The following ACOT13 variants were observed in gnomAD, a reference collection of about 807,000 sequenced individuals.
The protein encoded by ACOT13 is acyl-coenzyme A thioesterase 13.
In ACOT13, 10 loss-of-function variants were observed where a neutral mutation model predicts 11.8. The ratio of observed to expected loss-of-function variants is 0.85; its 90% CI spans 0.53 to 1.44. ACOT13 has a LOEUF of 1.44. Among genes scored for constraint, ACOT13 ranks in the 40% most tolerant of loss-of-function variants. ACOT13 has a pLI of 0.00. For synonymous variants in ACOT13, 53 were observed against 61.0 expected (o/e 0.87, Z 0.61); for missense variants, 172 against 174.1 (o/e 0.99, Z 0.07).
chr6:24,675,609 C>A (rs1301844420), intron 1 of ACOT13, among the ~76,000 whole-genome samples: 2 of 152,092 alleles, frequency 1.3e-5, no homozygotes, highest in African/African-American at 4.8e-5. Flanking sequence ...TGTTTAAGTT[C>A]TTTGTAGATT....
At chr6:24,687,930 C>G (rs535582882) in intron 1 of ACOT13, among the ~76,000 whole-genome samples, 1 of 151,566 alleles carries the variant, frequency 6.6e-6, no homozygotes, top group South Asian at 2.1e-4. Context: ...CGAGGCTGGT[C>G]TCAAACTCCT....
In ACOT13 at chr6:24,701,583, CAAGG is replaced by C. The variant is rs770343610; in HGVS notation, c.395_398del (p.Gly132AspfsTer14). The C allele has an allele frequency of 1.2e-6, 2 of 1,612,988 alleles. No homozygotes were observed. The highest frequency in any genetic ancestry group is 8.5e-7 in the Non-Finnish European group (1 of 1,179,356). On this transcript the variant is annotated frameshift_variant, in exon 3 of 3. Transcript: ENST00000230048. LOFTEE classifies it high-confidence loss of function. ...CAAGGCCACAGGAAAATTAATAGCA[CAAGG>C]AAGACACACAAAACACCTGGGAAAC...
intron 2 of ACOT13, among the ~76,000 whole-genome samples, chr6:24,700,724 T>C (rs2127629652): frequency 6.6e-6 from 1 of 152,184 alleles, no homozygotes; most frequent in African/African-American, 2.4e-5. Context: ...GCTTGAGCCA[T>C]CGTGCCCGGC....
At chr6:24,698,103 G>T in intron 2 of ACOT13, 36 bp downstream of exon 2, 1 of 1,502,050 alleles carries the variant, frequency 6.7e-7, no homozygotes, top group Non-Finnish European at 8.9e-7. Flanking sequence ...TCCCTTCTGT[G>T]TGATAACTGT....
chr6:24,674,909 G>A (rs1330074201), intron 1 of ACOT13, among the ~76,000 whole-genome samples: 1 of 128,476 alleles, frequency 7.8e-6, no homozygotes, highest in Non-Finnish European at 1.6e-5. Flanking sequence ...AGGCCCCGGT[G>A]TGTGATGTTC....
intron 1 of ACOT13, among the ~76,000 whole-genome samples, chr6:24,668,230 T>C (rs1778296577): frequency 6.6e-6 from 1 of 151,554 alleles, no homozygotes; most frequent in African/African-American, 2.4e-5. Flanking sequence ...GTTGTTGTTG[T>C]TGTTTTGAGA....
chr6:24,681,378 A>G (rs1778545555), intron 1 of ACOT13, among the ~76,000 whole-genome samples: 3 of 152,248 alleles, frequency 2.0e-5, no homozygotes, highest in Admixed American at 2.0e-4. Context: ...CTTTTGGGCT[A>G]CGCCCTTATT....
intron 1 of ACOT13, among the ~76,000 whole-genome samples, chr6:24,683,140 T>C (rs1183055537): frequency 6.6e-6 from 1 of 152,184 alleles, no homozygotes; most frequent in Non-Finnish European, 1.5e-5. Flanking sequence ...TACCAAGCAC[T>C]GATAGGAGAT....
At chr6:24,691,387 C>A (rs1224218004) in intron 1 of ACOT13, among the ~76,000 whole-genome samples, 1 of 151,880 alleles carries the variant, frequency 6.6e-6, no homozygotes, top group South Asian at 2.1e-4. Context: ...AACGCCTGCA[C>A]GCAATGGAAG....
At chr6:24,673,336 T>C (rs1055461986) in intron 1 of ACOT13, among the ~76,000 whole-genome samples, 6 of 152,034 alleles carry the variant, frequency 3.9e-5, no homozygotes, top group Non-Finnish European at 8.8e-5. Flanking sequence ...AATTGAACTT[T>C]CAGTTTTAAA....
At chr6:24,692,316 T>C (rs1385695385) in intron 1 of ACOT13, among the ~76,000 whole-genome samples, 1 of 152,202 alleles carries the variant, frequency 6.6e-6, no homozygotes, top group Non-Finnish European at 1.5e-5. Flanking sequence ...AGTTAGGTCA[T>C]AGTTGACCTC....
At chr6:24,698,484 C>T (rs1029834407) in intron 2 of ACOT13, among the ~76,000 whole-genome samples, 5 of 152,102 alleles carry the variant, frequency 3.3e-5, no homozygotes, top group Non-Finnish European at 5.9e-5. Flanking sequence ...GCCTGGAGTT[C>T]AAGACCCCCA....
rs761894205 is a variant in ACOT13, at chr6:24,701,564, C to T, written c.372C>T (p.Ala124=). The T allele has an allele frequency of 6.0e-5, 96 of 1,613,352 alleles. No homozygotes were observed. The highest frequency in any genetic ancestry group is 1.2e-4 in the Admixed American group (7 of 59,956). Residue 124 remains alanine, a synonymous_variant, in exon 3 of 3, where the codon GCC becomes GCT. Coordinates refer to ENST00000230048, the MANE Select transcript of ACOT13 (RefSeq NM_018473.4). ...CCTCTGTGGATCTGACCAACAAGGC[C>T]ACAGGAAAATTAATAGCACAAGGAA... ...AFTSVDLTNK[A]TGKLIAQGRH... is the part of the protein sequence containing the mutation.
chr6:24,692,123 G>A (rs776322817), intron 1 of ACOT13, among the ~76,000 whole-genome samples: 11 of 152,134 alleles, frequency 7.2e-5, no homozygotes, highest in Non-Finnish European at 8.8e-5. Context: ...TGAACGACTA[G>A]TTAACTCTAA....
chr6:24,674,411 GTTTT>G (rs1241079145), intron 1 of ACOT13, among the ~76,000 whole-genome samples: 7 of 151,558 alleles, frequency 4.6e-5, no homozygotes, highest in Non-Finnish European at 1.0e-4. Flanking sequence ...GGTTTTGTTT[GTTTT>G]TTTGTTTTTT....
intron 1 of ACOT13, chr6:24,687,583 C>T (rs753325070): frequency 6.9e-7 from 1 of 1,456,508 alleles, no homozygotes; most frequent in South Asian, 1.5e-5. Context: ...AATGAGATGT[C>T]AAGAGGAGGA....
In ACOT13 at chr6:24,667,185, C is replaced by A. The variant is rs568140793; in HGVS notation, c.-79C>A. 1.9e-4 allele frequency: 274 copies of A among 1,444,814 alleles called. 1 individual carries two copies. The highest frequency in any genetic ancestry group is 1.8e-3 in the African/African-American group (132 of 71,456). 89.5% of individuals were successfully genotyped at this position (1,444,814 alleles called of 1,614,324 possible). A position where few individuals can be genotyped will look rare whatever the true frequency, so the allele number is the denominator to read the frequency against. ...GCTCTTCGCCCTTTGTGTCCTCCTTCTTTCACTAACTTCTGGACTTTCCAG... is the reference window on the plus strand; with the variant it reads ...GCTCTTCGCCCTTTGTGTCCTCCTTATTTCACTAACTTCTGGACTTTCCAG... On this transcript the variant is annotated 5_prime_UTR_variant, in exon 1 of 3. Coordinates refer to ENST00000230048, the MANE Select transcript of ACOT13 (RefSeq NM_018473.4).
At chr6:24,697,545 T>TA (rs1778814536) in intron 1 of ACOT13, among the ~76,000 whole-genome samples, 1 of 152,192 alleles carries the variant, frequency 6.6e-6, no homozygotes, top group African/African-American at 2.4e-5. Flanking sequence ...TATAATGAGT[T>TA]AACAGATCTC....
intron 1 of ACOT13, among the ~76,000 whole-genome samples, chr6:24,682,099 G>A (rs1778561390): frequency 6.6e-6 from 1 of 152,226 alleles, no homozygotes; most frequent in African/African-American, 2.4e-5. Flanking sequence ...AGAAGGGTTG[G>A]GGGTTGTTAG....
Sources: allele counts gnomAD v4.1 joint callset (sites outside exome capture counted in the v4.1 genomes callset), GRCh38; gene constraint gnomAD v4.1.1; transcripts MANE v1.5; gene names NCBI Gene and HGNC (gene_info 2026-07-23, HGNC 2026-07-21).